COX5A: variants seen among roughly 807,000 people sequenced by gnomAD.
The protein encoded by COX5A is cytochrome c oxidase subunit 5A, mitochondrial.
Under a neutral mutation model 16.1 loss-of-function variants are expected in COX5A, and 6 were observed. The ratio of observed to expected loss-of-function variants is 0.37; its 90% CI spans 0.20 to 0.73. COX5A has a LOEUF of 0.73. Ranked by LOEUF, COX5A falls within the 30% of genes least tolerant of loss-of-function variation. COX5A has a pLI of 0.50. For missense variants in COX5A, 159 were observed against 194.9 expected, an observed-to-expected ratio of 0.82 and a Z score of 1.10; for synonymous variants, 73 against 73.8, an observed-to-expected ratio of 0.99 and a Z score of 0.06.
chr15:74,937,187 G>A (rs776149327), intron 1 of COX5A, among the ~76,000 whole-genome samples: 1 of 152,082 alleles, frequency 6.6e-6, no homozygotes, highest in Non-Finnish European at 1.5e-5. Context: ...TCATACTCCA[G>A]CAATCAGGCT....
intron 4 of COX5A, among the ~76,000 whole-genome samples, chr15:74,921,450 C>A (rs1208845487): frequency 6.7e-6 from 1 of 148,974 alleles, no homozygotes; most frequent in African/African-American, 2.5e-5. Flanking sequence ...AATCACAGGG[C>A]CAGACGCGGT....
At chr15:74,937,379 A>G in intron 1 of COX5A, among the ~76,000 whole-genome samples, 1 of 152,240 alleles carries the variant, frequency 6.6e-6, no homozygotes, top group East Asian at 1.9e-4. Flanking sequence ...ACGTGGAAGA[A>G]TTAGAACGTG....
At chr15:74,929,996 G>A (rs1011619003) in intron 1 of COX5A, among the ~76,000 whole-genome samples, 8 of 151,558 alleles carry the variant, frequency 5.3e-5, no homozygotes, top group Admixed American at 2.0e-4. Flanking sequence ...GGAGAATGGC[G>A]TGAACCTGGA....
intron 1 of COX5A, among the ~76,000 whole-genome samples, chr15:74,931,433 G>A (rs943970451): frequency 1.3e-5 from 2 of 152,046 alleles, no homozygotes; most frequent in Non-Finnish European, 2.9e-5. Flanking sequence ...CCCAGGAGGC[G>A]GAGGTTGAGG....
chr15:74,928,420 T>C (rs1251090447), intron 2 of COX5A, among the ~76,000 whole-genome samples: 1 of 152,096 alleles, frequency 6.6e-6, no homozygotes, highest in African/African-American at 2.4e-5. Flanking sequence ...AGTCTCACTC[T>C]GTTGCCCAGG....
intron 4 of COX5A, among the ~76,000 whole-genome samples, chr15:74,921,060 A>G (rs1335752326): frequency 6.6e-6 from 1 of 152,196 alleles, no homozygotes; most frequent in East Asian, 1.9e-4. Flanking sequence ...ACCCCTTGGA[A>G]TAATACTTGA....
chr15:74,929,123 C>G lies in COX5A; in HGVS notation c.210G>C (p.Leu70Phe), dbSNP rs1002612732. 3.1e-6 allele frequency: 5 copies of G among 1,605,666 alleles called. No individual in the cohort carries two copies. In the African/African-American group the frequency reaches 5.3e-5, roughly 17 times the overall value. Residue 70 changes from leucine to phenylalanine, a missense_variant, in exon 2 of 5, where the codon TTG becomes TTC. Leu to Phe is a conservative substitution (Grantham distance 22). Transcript: ENST00000322347. ...TGTTTATGTTCCAATTACCTTTACG[C>G]AATTCCCAGGCATCTATATCTGGCT... is the stretch of plus-strand genomic sequence containing the variant. ...FNKPDIDAWE[L>F]RKGINTLVTY...
chr15:74,922,877 G>T (rs1037269404), intron 4 of COX5A, among the ~76,000 whole-genome samples: 1 of 151,666 alleles, frequency 6.6e-6, no homozygotes, highest in African/African-American at 2.4e-5. Flanking sequence ...TGCTGGTCTC[G>T]AACTCCTGAC....
At chr15:74,929,952 G>A (rs894194291) in intron 1 of COX5A, among the ~76,000 whole-genome samples, 13 of 151,654 alleles carry the variant, frequency 8.6e-5, no homozygotes, top group Admixed American at 5.9e-4. Context: ...GGTGGCGGGC[G>A]GCTGTAGTCC....
At chr15:74,930,999 AG>A (rs2065364517) in intron 1 of COX5A, among the ~76,000 whole-genome samples, 1 of 132,850 alleles carries the variant, frequency 7.5e-6, no homozygotes, top group South Asian at 2.8e-4. Flanking sequence ...CCTGGGCAAC[AG>A]AGCGAGACTC....
intron 4 of COX5A, among the ~76,000 whole-genome samples, chr15:74,922,135 C>G (rs1199864129): frequency 2.0e-5 from 3 of 152,024 alleles, no homozygotes; most frequent in African/African-American, 4.8e-5. Flanking sequence ...GCCTGTAATC[C>G]CAGCACTTTG....
At chr15:74,928,570 A>T (rs1051374243) in intron 2 of COX5A, among the ~76,000 whole-genome samples, 1 of 152,116 alleles carries the variant, frequency 6.6e-6, no homozygotes, top group Non-Finnish European at 1.5e-5. Flanking sequence ...TATTTTTAGT[A>T]GAGACGGGGT....
intron 1 of COX5A, among the ~76,000 whole-genome samples, chr15:74,933,997 T>C (rs1355902236): frequency 6.6e-6 from 1 of 152,164 alleles, no homozygotes; most frequent in African/African-American, 2.4e-5. Flanking sequence ...AAAAAGTCTT[T>C]TATAAAACAG....
chr15:74,920,899 A>G (rs1346398453), intron 4 of COX5A, among the ~76,000 whole-genome samples: 1 of 151,908 alleles, frequency 6.6e-6, no homozygotes, highest in Non-Finnish European at 1.5e-5. Context: ...AATCTCTTCA[A>G]CCGGGAGGCG....
intron 3 of COX5A, among the ~76,000 whole-genome samples, chr15:74,925,186 G>C (rs1278709638): frequency 6.6e-6 from 1 of 151,886 alleles, no homozygotes; most frequent in Non-Finnish European, 1.5e-5. Flanking sequence ...TGTAATCCCA[G>C]CTACTCGGGA....
intron 2 of COX5A, 42 bp downstream of exon 2, chr15:74,929,074 T>G: frequency 7.1e-7 from 1 of 1,401,488 alleles, no homozygotes; most frequent in Non-Finnish European, 1.0e-6. Context: ...GCAGTTCATA[T>G]TTACACACCA....
chr15:74,923,880 A>T (rs1419343437), intron 3 of COX5A, 110 bp from the exon 4 acceptor site: 3 of 678,238 alleles, frequency 4.4e-6, no homozygotes, highest in Middle Eastern at 3.7e-4. Flanking sequence ...CAGGTAGGAC[A>T]GAATAATACA....
At chr15:74,921,160 C>T (rs991339504) in intron 4 of COX5A, among the ~76,000 whole-genome samples, 4 of 151,992 alleles carry the variant, frequency 2.6e-5, no homozygotes, top group African/African-American at 4.8e-5. Context: ...GTAATCCCAG[C>T]ACTTTGGGAG....
intron 3 of COX5A, among the ~76,000 whole-genome samples, chr15:74,924,544 A>G (rs1312435270): frequency 6.6e-6 from 1 of 152,162 alleles, no homozygotes; most frequent in Non-Finnish European, 1.5e-5. Flanking sequence ...TAATTAAATA[A>G]AAATAAAGAG....
Sources: allele counts gnomAD v4.1 joint callset (sites outside exome capture counted in the v4.1 genomes callset), GRCh38; gene constraint gnomAD v4.1.1; transcripts MANE v1.5; gene names NCBI Gene and HGNC (gene_info 2026-07-23, HGNC 2026-07-21).